Variants in ANO7 observed in about 807,000 individuals in gnomAD.
ANO7 encodes anoctamin-7.
A neutral mutation model predicts 115.8 loss-of-function variants in ANO7; 114 were observed. The ratio of observed to expected loss-of-function variants is 0.98; its 90% confidence interval spans 0.85 to 1.15. The LOEUF (loss-of-function observed/expected upper bound fraction) is 1.15. Ranked by LOEUF, ANO7 falls within the 50% of genes most tolerant of loss-of-function variation. The probability of loss-of-function intolerance (pLI) is 0.00; values close to 1 mark genes in which losing one functional copy is unlikely to be tolerated. For synonymous variants in ANO7, 550 were observed against 498.2 expected (o/e 1.10, Z -1.38); for missense variants, 1,302 against 1,201.2 (o/e 1.08, Z -1.24).
chr2:241,218,448 G>C (rs2068924160), intron 21 of ANO7, 67 bp downstream of exon 21: 2 of 1,230,700 alleles, frequency 1.6e-6, no homozygotes, highest in Non-Finnish European at 2.0e-6. Flanking sequence ...GGCTCGGGTG[G>C]GGTGGGGGTG....
Position 241,190,100 on chromosome 2 carries a change from G to C in ANO7, c.37G>C (p.Val13Leu). 6.3e-7 allele frequency: 1 copy of C among 1,584,192 alleles called. No individual in the cohort carries two copies. The highest frequency in any genetic ancestry group is 8.6e-7 in the Non-Finnish European group (1 of 1,165,794). Residue 13 changes from valine to leucine, a missense_variant, in exon 2 of 25, where the codon GTC becomes CTC. By Grantham distance (32) the Val-to-Leu change is conservative. Coordinates refer to ENST00000674324, the MANE Select transcript of ANO7 (RefSeq NM_001370694.2). ...ACGGGCCCAGGAAGAGGACAGCACCGTCCTGATCGATGTGAGCCCCCCTGA... is the reference window on the plus strand; with the variant it reads ...ACGGGCCCAGGAAGAGGACAGCACCCTCCTGATCGATGTGAGCCCCCCTGA... The part of the protein sequence containing the change: ...RRRAQEEDST[V>L]LIDVSPPEAE...
Position 241,210,494 on chromosome 2 carries a change from G to T in ANO7, c.1485G>T (p.Gly495=). 5 of 1,614,090 alleles carry T rather than the reference G, an allele frequency of 3.1e-6. No homozygotes were observed. Among genetic ancestry groups the T allele is most frequent in the Admixed American group, 1.7e-5 (1 of 60,030 alleles). Residue 495 remains glycine, a synonymous_variant, in exon 15 of 25, where the codon GGG becomes GGT. Transcript: ENST00000674324. ...AWASRIASLT[G]SVVNLVFILI... is the part of the protein sequence containing the mutation. ...CCTCTCGCATCGCCAGCCTCACGGGGTCTGTAGTGAACCTCGTCTTCATCC... is the reference window on the plus strand; with the variant it reads ...CCTCTCGCATCGCCAGCCTCACGGGTTCTGTAGTGAACCTCGTCTTCATCC...
In ANO7 at chr2:241,199,126, C is replaced by T. The variant is rs1352083383; in HGVS notation, c.310-190C>T. ...GGGGCCGACTCCCAAACGGGGCTGT[C>T]GAGGCCCGGTTGGCTTTCAGAGGCG... On this transcript the variant is annotated intron_variant, in intron 4 of 24. Transcript: ENST00000674324. The T allele has an allele frequency of 1.5e-5, 9 of 581,306 alleles. No individual in the cohort carries two copies. In the Admixed American group the frequency reaches 1.9e-4, roughly 12 times the overall value. The allele number at this position is 581,306 out of a possible 1,614,324, so 36.0% of individuals were successfully genotyped here. A position where few individuals can be genotyped will look rare whatever the true frequency, so the allele number is the denominator to read the frequency against.
downstream of ANO7, chr2:241,230,726 G>C (rs370644131): frequency 1.3e-6 from 2 of 1,593,820 alleles, no homozygotes; most frequent in African/African-American, 2.7e-5. The surrounding 1 kb of genome is among the most constrained non-coding windows in gnomAD (Gnocchi z 5.0). Context: ...GGTGAGAGAG[G>C]ATTCTCACCC....
chr2:241,212,287 T>C (rs2068734958), intron 16 of ANO7, 82 bp downstream of exon 16: 1 of 1,343,622 alleles, frequency 7.4e-7, no homozygotes, highest in Non-Finnish European at 1.1e-6. Context: ...GTACCAGGCG[T>C]CATCCAGCCG....
the ANO7 span, chr2:241,236,894 C>G: frequency 1.1e-6 from 1 of 951,624 alleles, no homozygotes; most frequent in Non-Finnish European, 1.6e-6. Flanking sequence ...GAAAACCACT[C>G]CTGTCCTTCA....
intron 4 of ANO7, among the ~76,000 whole-genome samples, chr2:241,197,320 G>A (rs948773761): frequency 6.6e-6 from 1 of 152,114 alleles, no homozygotes; most frequent in Non-Finnish European, 1.5e-5. Context: ...GGCTGGTCTT[G>A]AACTCCTGAC....
intron 18 of ANO7, 22 bp from the exon 19 acceptor site, chr2:241,216,071 T>C: frequency 6.3e-7 from 1 of 1,588,154 alleles, no homozygotes; most frequent in Non-Finnish European, 8.6e-7. Context: ...CAAAGGCCAT[T>C]TTCCTGTATT....
At position 241,199,423 on chromosome 2, in the gene ANO7, G is replaced by C; in HGVS notation, c.417G>C (p.Gln139His). 2 of 1,613,690 alleles carry C rather than the reference G, an allele frequency of 1.2e-6. No individual in the cohort carries two copies. Among genetic ancestry groups the C allele is most frequent in the Non-Finnish European group, 1.7e-6 (2 of 1,179,998 alleles). ...ACCTGCGCCTGAAGCTGCCCTTGCA[G>C]GTACGTGGGAGGCATGGGGACAGGG... is the stretch of plus-strand genomic sequence containing the variant. ...AEDLRLKLPL[Q>H]ELPNQASNWS... The change falls in exon 5 of 25, where the codon CAG becomes CAC. Residue 139 changes from glutamine to histidine, a missense_variant and splice_region_variant. Gln to His is a conservative substitution (Grantham distance 24). Coordinates refer to ENST00000674324, the MANE Select transcript of ANO7 (RefSeq NM_001370694.2).
intron 21 of ANO7, 37 bp from the exon 22 acceptor site, chr2:241,223,149 C>A: frequency 1.3e-6 from 2 of 1,583,640 alleles, no homozygotes; most frequent in South Asian, 2.2e-5. Flanking sequence ...CAACACTCAG[C>A]CCTGGCTGCG....
rs749226773 is a variant in ANO7, at chr2:241,223,391, T to C, written c.2412+115T>C. The C allele has an allele frequency of 3.2e-6, 4 of 1,251,744 alleles. No individual in the cohort carries two copies. The Admixed American group carries it at 6.8e-5, about 21-fold the overall frequency. 77.5% of individuals were successfully genotyped at this position (1,251,744 alleles called of 1,614,324 possible). ...TGCCGTCACTTCCTGCTGTGTCATC[T>C]TGGTCAAATCAGAGCTCTTCTCTGC... On this transcript the variant is annotated intron_variant, in intron 22 of 24. Transcript: ENST00000674324.
At chr2:241,202,456 T>C (rs1302400472) in intron 8 of ANO7, 152 bp downstream of exon 8, 3 of 666,292 alleles carry the variant, frequency 4.5e-6, no homozygotes, top group Non-Finnish European at 7.8e-6. Context: ...CATGCGGCGA[T>C]GTGATCAGGC....
At chr2:241,236,874 A>G in the ANO7 span, 1 of 1,213,960 alleles carries the variant, frequency 8.2e-7, no homozygotes, top group East Asian at 2.5e-5. Context: ...GCTGGGTGGT[A>G]AAAGGGAGGG....
At chr2:241,223,329 G>A (rs2069072303) in intron 22 of ANO7, 53 bp downstream of exon 22, 9 of 1,595,012 alleles carry the variant, frequency 5.6e-6, no homozygotes, top group Non-Finnish European at 7.7e-6. Context: ...CCCCGACCCT[G>A]TGCTTTGCCT....
downstream of ANO7, chr2:241,229,795 C>T (rs771543696): frequency 1.3e-6 from 2 of 1,561,758 alleles, no homozygotes; most frequent in Non-Finnish European, 8.7e-7. Flanking sequence ...CCCGCCCACC[C>T]TCCCTGGGAC....
chr2:241,235,163 C>T, the ANO7 span: 1 of 1,614,136 alleles, frequency 6.2e-7, no homozygotes, highest in African/African-American at 1.3e-5. Context: ...CACGCTCCAG[C>T]AGTCCAGCCT....
At chr2:241,210,823 G>A (rs2068704705) in intron 15 of ANO7, among the ~76,000 whole-genome samples, 1 of 144,424 alleles carries the variant, frequency 6.9e-6, no homozygotes, top group Admixed American at 7.1e-5. Context: ...GGACCACTGT[G>A]CCCAGCTGAA....
chr2:241,235,284 T>G, the ANO7 span: 6 of 1,613,884 alleles, frequency 3.7e-6, no homozygotes, highest in Non-Finnish European at 5.1e-6. Flanking sequence ...GACTTGACGT[T>G]CAGGACCCCA....
At chr2:241,195,618 T>C in intron 3 of ANO7, 85 bp from the exon 4 acceptor site, 1 of 1,383,156 alleles carries the variant, frequency 7.2e-7, no homozygotes, top group Non-Finnish European at 1.0e-6. Context: ...CCCCACTGCG[T>C]CCCGGCTGGG....
Sources: gnomAD v4.1 joint callset for allele counts (sites outside exome capture counted in the v4.1 genomes callset) on GRCh38, gnomAD v4.1.1 for gene constraint, Gnocchi (gnomAD v3.1) non-coding constraint, MANE v1.5 for transcripts, NCBI Gene and HGNC (gene_info 2026-07-23, HGNC 2026-07-21) for gene names.